Variants in RXFP1 observed in about 807,000 individuals in gnomAD.
RXFP1 encodes relaxin receptor 1.
In RXFP1, 73 loss-of-function variants were observed where a neutral mutation model predicts 89.8. The observed-to-expected ratio is 0.81, with a 90% confidence interval of 0.67 to 0.99. The LOEUF is 0.99. Among genes scored for constraint, RXFP1 ranks in the 50% least tolerant of loss-of-function variants. The pLI is 0.00. For synonymous variants in RXFP1, 277 were observed against 305.5 expected (o/e 0.91, Z 0.97); for missense variants, 793 against 895.5 (o/e 0.89, Z 1.46).
At position 158,599,207 on chromosome 4, in the gene RXFP1, CA is replaced by C; in HGVS notation, c.287-118del. The C allele has an allele frequency of 2.0e-6, 3 of 1,502,582 alleles. No individual in the cohort carries two copies. The South Asian group carries it at 3.7e-5, about 19-fold the overall frequency. The allele number at this position is 1,502,582 out of a possible 1,614,324, so 93.1% of individuals were successfully genotyped here. ...AGCATTGCCTAAATTGCCTACGTAG[CA>C]CATGATATGCTTTTGTACTAAATGA... On this transcript the variant is annotated intron_variant, in intron 3 of 17. Coordinates refer to ENST00000307765, the MANE Select transcript of RXFP1 (RefSeq NM_021634.4).
intron 6 of RXFP1, chr4:158,610,633 G>A (rs1561122229): frequency 1.6e-6 from 2 of 1,268,204 alleles, no homozygotes; most frequent in East Asian, 5.6e-5. Flanking sequence ...ATTATCTCAG[G>A]TCCAGAGCAG....
rs750703010 is a variant in RXFP1 at position 158,605,140 on chromosome 4, G to A, written c.464+1G>A. The A allele has an allele frequency of 1.3e-6, 2 of 1,568,234 alleles. No homozygotes were observed. The highest frequency in any genetic ancestry group is 1.7e-6 in the Non-Finnish European group (2 of 1,146,194). ...AGAATTATCATGATCTTCAGAAGCT[G>A]TAAGAAAATACTTAATTCCTGGTAT... On this transcript the variant is annotated splice_donor_variant, in intron 5 of 17. Coordinates refer to ENST00000307765, the MANE Select transcript of RXFP1 (RefSeq NM_021634.4). LOFTEE classifies it high-confidence loss of function.
At chr4:158,568,574 C>T (rs1295149326) in intron 1 of RXFP1, among the ~76,000 whole-genome samples, 2 of 152,130 alleles carry the variant, frequency 1.3e-5, no homozygotes, top group Non-Finnish European at 2.9e-5. Flanking sequence ...CTTGAGATCT[C>T]TGAAATACGT....
chr4:158,601,064 T>C (rs755348137), intron 4 of RXFP1, among the ~76,000 whole-genome samples: 1 of 151,854 alleles, frequency 6.6e-6, no homozygotes, highest in Non-Finnish European at 1.5e-5. Flanking sequence ...AATAAGGCAA[T>C]GGCTAACTAG....
rs1045700259 is a variant in RXFP1 at position 158,572,377 on chromosome 4, C to G, written c.50-321C>G. Among the ~76,000 whole-genome samples, 6 of 152,054 alleles carry G rather than the reference C, an allele frequency of 3.9e-5. No homozygotes were observed. The South Asian group carries it at 1.0e-3, about 26-fold the overall frequency. On this transcript the variant is annotated intron_variant, in intron 1 of 17. Transcript: ENST00000307765. ...AAATTCCTGTTTTTAAAATTATTGG[C>G]TGAAAATTGTTTGTAGAAGACGGTA...
intron 1 of RXFP1, chr4:158,544,350 AC>A (rs1317655342): frequency 2.9e-5 from 29 of 985,224 alleles, no homozygotes; most frequent in Non-Finnish European, 3.4e-5. Flanking sequence ...TCATCCTTGC[AC>A]TGAAGGATTT....
intron 1 of RXFP1, among the ~76,000 whole-genome samples, chr4:158,539,239 C>A (rs1353571054): frequency 2.0e-5 from 3 of 152,122 alleles, no homozygotes; most frequent in Non-Finnish European, 4.4e-5. Context: ...GGACAAAAAA[C>A]CAAACACCAC....
At chr4:158,543,903 G>C in intron 1 of RXFP1, 2 of 985,366 alleles carry the variant, frequency 2.0e-6, no homozygotes, top group Non-Finnish European at 2.4e-6. Context: ...CAAGAATAAA[G>C]CAAAACTCTA....
chr4:158,522,071 G>GTTATTCCACAA, intron 1 of RXFP1, 46 bp downstream of exon 1: 5 of 1,154,496 alleles, frequency 4.3e-6, no homozygotes, highest in Non-Finnish European at 6.4e-6. Context: ...GTATTTTGTG[G>GTTATTCCACAA]AATAACCACA....
chr4:158,597,252 G>C (rs1272899978), intron 3 of RXFP1, among the ~76,000 whole-genome samples: 2 of 152,062 alleles, frequency 1.3e-5, no homozygotes, highest in African/African-American at 4.8e-5. Flanking sequence ...AGAATAATGT[G>C]AGGAATTCAC....
At chr4:158,623,342 C>CAAA (rs35034196) in intron 9 of RXFP1, among the ~76,000 whole-genome samples, 11,651 of 106,196 alleles carry the variant, frequency 0.11, 664 homozygotes, top group African/African-American at 0.15. Context: ...CTACTAAATA[C>CAAA]AAAAAAAAAA....
At chr4:158,540,597 A>T (rs1193366011) in intron 1 of RXFP1, among the ~76,000 whole-genome samples, 1 of 149,074 alleles carries the variant, frequency 6.7e-6, no homozygotes, top group Middle Eastern at 3.2e-3. Flanking sequence ...AGAATGCCTA[A>T]CCTCCTGGGA....
At chr4:158,627,510 TG>T (rs1767111972) in intron 10 of RXFP1, among the ~76,000 whole-genome samples, 2 of 58,638 alleles carry the variant, frequency 3.4e-5, no homozygotes, top group African/African-American at 2.1e-4. Flanking sequence ...TTAGGGTGTG[TG>T]TGTGTGTGTG....
At chr4:158,563,900 ATAT>A (rs905601073) in intron 1 of RXFP1, among the ~76,000 whole-genome samples, 8 of 148,264 alleles carry the variant, frequency 5.4e-5, no homozygotes, top group East Asian at 1.9e-4. Context: ...ATTATATAAC[ATAT>A]TATATATATA....
At chr4:158,531,652 A>G (rs1364512978) in intron 1 of RXFP1, among the ~76,000 whole-genome samples, 1 of 152,130 alleles carries the variant, frequency 6.6e-6, no homozygotes, top group South Asian at 2.1e-4. Context: ...CTACTACTAC[A>G]CACACACACT....
At chr4:158,527,176 T>A (rs1051966256) in intron 1 of RXFP1, among the ~76,000 whole-genome samples, 1 of 152,164 alleles carries the variant, frequency 6.6e-6, no homozygotes, top group Non-Finnish European at 1.5e-5. Flanking sequence ...TTTTAAATAA[T>A]TTTTTTGTTA....
intron 2 of RXFP1, among the ~76,000 whole-genome samples, chr4:158,586,050 T>C (rs2150044513): frequency 6.6e-6 from 1 of 152,354 alleles, no homozygotes; most frequent in African/African-American, 2.4e-5. Context: ...AAACTTGCTT[T>C]AAGACTAACC....
chr4:158,545,325 C>G (rs1183263817), intron 1 of RXFP1, among the ~76,000 whole-genome samples: 44 of 151,828 alleles, frequency 2.9e-4, no homozygotes, highest in South Asian at 1.5e-3. Flanking sequence ...ATTTGTTTGA[C>G]TTCATTGTAG....
rs767685093 is a variant in RXFP1, at chr4:158,607,940, T to C, written c.465-32T>C. The C allele has an allele frequency of 3.0e-6, 4 of 1,331,068 alleles. No individual in the cohort carries two copies. The South Asian group carries it at 3.7e-5, about 12-fold the overall frequency. The allele number at this position is 1,331,068 out of a possible 1,614,324, so 82.5% of individuals were successfully genotyped here. A position where few individuals can be genotyped will look rare whatever the true frequency, so the allele number is the denominator to read the frequency against. On this transcript the variant is annotated intron_variant, in intron 5 of 17. Transcript: ENST00000307765. ...CTTGCAAAAGTGAAACTCTGCTTCA[T>C]TTTTTTTTCTTTTTAATAATCATTT...
Sources: allele counts gnomAD v4.1 joint callset (sites outside exome capture counted in the v4.1 genomes callset), GRCh38; gene constraint gnomAD v4.1.1; transcripts MANE v1.5; gene names NCBI Gene and HGNC (gene_info 2026-07-23, HGNC 2026-07-21).